Variants in PWWP2A observed in about 807,000 individuals in gnomAD.
PWWP2A encodes PWWP domain-containing protein 2A.
PWWP2A carries 18 observed loss-of-function variants against 48.5 expected under a neutral mutation model. The observed-to-expected ratio is 0.37, with a 90% CI of 0.26 to 0.55. The LOEUF is 0.55. PWWP2A is among the 20% of genes least tolerant of loss of function. PWWP2A has a pLI of 0.81. For missense variants in PWWP2A, 867 were observed against 976.4 expected (o/e 0.89, Z 1.49); for synonymous variants, 396 against 387.7 (o/e 1.02, Z -0.25).
chr5:160,069,999 C>T (rs1753704396), intron 2 of PWWP2A, among the ~76,000 whole-genome samples: 1 of 152,216 alleles, frequency 6.6e-6, no homozygotes, highest in South Asian at 2.1e-4. Context: ...ACAGAAGCAG[C>T]TTTTCCATTG....
intron 4 of PWWP2A, among the ~76,000 whole-genome samples, chr5:160,065,871 A>G (rs756246975): frequency 5.3e-5 from 8 of 152,228 alleles, no homozygotes; most frequent in Non-Finnish European, 1.0e-4. Context: ...GAACAAAACC[A>G]TATTCTTTTA....
At chr5:160,073,057 C>T (rs896642253), downstream of PWWP2A, among the ~76,000 whole-genome samples, 2 of 148,674 alleles carry the variant, frequency 1.3e-5, no homozygotes, top group East Asian at 2.0e-4. Flanking sequence ...CCAGGGGTTT[C>T]GGCCTTGGCT....
At chr5:160,055,327 A>G in the PWWP2A span, among the ~76,000 whole-genome samples, 1 of 152,254 alleles carries the variant, frequency 6.6e-6, no homozygotes, top group South Asian at 2.1e-4. Context: ...AGAGTCATCT[A>G]CTTTCTCCAA....
intron 1 of PWWP2A, 32 bp from the exon 2 acceptor site, chr5:160,094,097 ATTAAG>A (rs780080715): frequency 7.8e-6 from 12 of 1,537,640 alleles, no homozygotes; most frequent in Middle Eastern, 2.0e-4. Context: ...AAAAGAAGAC[ATTAAG>A]TTAACATCTA....
the PWWP2A span, among the ~76,000 whole-genome samples, chr5:160,045,763 G>T: frequency 1.3e-5 from 2 of 151,452 alleles, no homozygotes; most frequent in African/African-American, 4.9e-5. Context: ...TATTTTTTGG[G>T]ACAGAGACTC....
chr5:160,077,970 C>A lies in PWWP2A; in HGVS notation c.*185G>T. ...CAAGTTTATTTTTTATAAAATATTC[C>A]CTAATACCTTTTCTTCGGTTTAAGA... On this transcript the variant is annotated 3_prime_UTR_variant, in exon 4 of 4. Transcript: ENST00000456329. The surrounding 1 kb of genome is among the most constrained non-coding windows in gnomAD (Gnocchi z 4.2). The A allele has an allele frequency of 2.0e-6, 1 of 500,764 alleles. No homozygotes were observed. The highest frequency in any genetic ancestry group is 3.6e-5 in the South Asian group (1 of 27,730). The allele number at this position is 500,764 out of a possible 1,614,324, so 31.0% of individuals were successfully genotyped here. A position where few individuals can be genotyped will look rare whatever the true frequency, so the allele number is the denominator to read the frequency against.
At chr5:160,049,585 CTAGA>C in the PWWP2A span, 2 of 1,612,004 alleles carry the variant, frequency 1.2e-6, no homozygotes, top group Non-Finnish European at 1.7e-6. Flanking sequence ...GACGGACAAG[CTAGA>C]TGAAGCCCTG....
intron 1 of PWWP2A, among the ~76,000 whole-genome samples, chr5:160,101,637 G>T (rs1223279216): frequency 1.4e-5 from 2 of 147,910 alleles, no homozygotes; most frequent in African/African-American, 5.0e-5. Flanking sequence ...TATCCTTAAT[G>T]GTTAAAATAC....
chr5:160,090,993 C>T (rs1018669128), downstream of PWWP2A: 3 of 984,994 alleles, frequency 3.0e-6, no homozygotes, highest in Non-Finnish European at 3.6e-6. Context: ...AGGCAGAAAA[C>T]CAAACAGAAG....
chr5:160,100,352 G>C (rs1187350231), intron 1 of PWWP2A, among the ~76,000 whole-genome samples: 1 of 152,164 alleles, frequency 6.6e-6, no homozygotes, highest in Non-Finnish European at 1.5e-5. Context: ...AGCTAGGCGT[G>C]GTGGCACATG....
downstream of PWWP2A, among the ~76,000 whole-genome samples, chr5:160,057,103 T>G (rs1757566223): frequency 6.6e-6 from 1 of 152,250 alleles, no homozygotes; most frequent in Non-Finnish European, 1.5e-5. This position sits in a 1 kb window ranked among gnomAD's most constrained non-coding sequence, Gnocchi z 4.4. Context: ...TGTGGTTGGT[T>G]GTTCCCTCAG....
At chr5:160,047,195 T>C in the PWWP2A span, among the ~76,000 whole-genome samples, 1 of 152,192 alleles carries the variant, frequency 6.6e-6, no homozygotes, top group Non-Finnish European at 1.5e-5. Context: ...TGTATCCCAC[T>C]GCAAAGTTCT....
chr5:160,113,273 T>TC (rs748923370), intron 1 of PWWP2A: 14 of 979,438 alleles, frequency 1.4e-5, no homozygotes, highest in South Asian at 9.5e-5. Flanking sequence ...TCCTTTTTTT[T>TC]CACAGAATGA....
chr5:160,093,905 G>C lies in PWWP2A; in HGVS notation c.745C>G (p.Pro249Ala). The C allele has an allele frequency of 6.2e-7, 1 of 1,614,088 alleles. No homozygotes were observed. Among genetic ancestry groups the C allele is most frequent in the Non-Finnish European group, 8.5e-7 (1 of 1,179,912 alleles). Residue 249 changes from proline (P) to alanine (A), a missense_variant, in exon 2 of 2, where the codon CCC (proline) becomes GCC (alanine). Pro to Ala is a conservative substitution (Grantham distance 27). Transcript: ENST00000307063. The surrounding 1 kb of genome is among the most constrained non-coding windows in gnomAD (Gnocchi z 5.8). ...AGGCTTTCAGCCAAGCTCAGCTCGG[G>C]ATGCGGGACAGGAGAAGGGTCATCG... ...VPDDPSPVPHPELSLAESLWT... is the reference protein window; with the variant it reads ...VPDDPSPVPHAELSLAESLWT...
chr5:160,086,562 C>A (rs1014578944), downstream of PWWP2A, among the ~76,000 whole-genome samples: 1 of 151,674 alleles, frequency 6.6e-6, no homozygotes, highest in Admixed American at 6.6e-5. Flanking sequence ...TTTAATTCAC[C>A]TTTAAACCAA....
intron 1 of PWWP2A, chr5:160,113,298 G>C (rs926857677): frequency 1.0e-5 from 10 of 980,046 alleles, no homozygotes; most frequent in Non-Finnish European, 7.3e-6. Context: ...CCTCAAAAAT[G>C]TGTTCTCCAA....
chr5:160,094,341 C>A (rs1268683906), intron 1 of PWWP2A, among the ~76,000 whole-genome samples: 4 of 152,174 alleles, frequency 2.6e-5, no homozygotes, highest in Non-Finnish European at 5.9e-5. Flanking sequence ...AGTCTTGAAT[C>A]AGAATGTTTT....
chr5:160,081,071 A>T (rs1287043928), intron 2 of PWWP2A, among the ~76,000 whole-genome samples: 1 of 152,094 alleles, frequency 6.6e-6, no homozygotes, highest in Non-Finnish European at 1.5e-5. Flanking sequence ...AAACTAACAA[A>T]TGAAAGGGGA....
At chr5:160,100,021 C>G (rs1305475506) in intron 1 of PWWP2A, among the ~76,000 whole-genome samples, 4 of 151,894 alleles carry the variant, frequency 2.6e-5, no homozygotes, top group African/African-American at 9.7e-5. Flanking sequence ...CTTTGTGTTG[C>G]TGGGCACAGT....
Sources: allele counts gnomAD v4.1 joint callset (sites outside exome capture counted in the v4.1 genomes callset), GRCh38; gene constraint gnomAD v4.1.1; non-coding constraint Gnocchi (gnomAD v3.1); transcripts MANE v1.5; gene names NCBI Gene and HGNC (gene_info 2026-07-23, HGNC 2026-07-21).